The following ARHGAP26 variants were observed in gnomAD, a reference collection of about 807,000 sequenced individuals.
ARHGAP26 encodes rho GTPase-activating protein 26.
Under a neutral mutation model 104.8 loss-of-function variants are expected in ARHGAP26, and 38 were observed. That is an observed-to-expected ratio of 0.36 (90% CI 0.28 to 0.48). The LOEUF (loss-of-function observed/expected upper bound fraction) is 0.48, where lower values mean the gene tolerates loss of function less well. Ranked by LOEUF, ARHGAP26 falls within the 20% of genes least tolerant of loss-of-function variation. ARHGAP26 has a pLI of 0.99. For synonymous variants in ARHGAP26, 341 were observed against 340.0 expected (o/e 1.00, Z -0.03); for missense variants, 704 against 947.9 (o/e 0.74, Z 3.38).
At chr5:142,902,203 G>GTGGT (rs1463340506) in intron 7 of ARHGAP26, among the ~76,000 whole-genome samples, 164 bp downstream of exon 7, 1 of 152,158 alleles carries the variant, frequency 6.6e-6, no homozygotes, top group East Asian at 1.9e-4. Flanking sequence ...AGAGTGCTTG[G>GTGGT]TGGTTCTGAG....
intron 20 of ARHGAP26, 95 bp from the exon 21 acceptor site, chr5:143,207,103 C>T: frequency 1.3e-6 from 2 of 1,494,612 alleles, no homozygotes; most frequent in Admixed American, 1.9e-5. Context: ...CTCTGCTCTG[C>T]CCAGCTTTCC....
chr5:142,830,419 A>G (rs1406548736), intron 1 of ARHGAP26, among the ~76,000 whole-genome samples: 2 of 152,176 alleles, frequency 1.3e-5, no homozygotes, highest in Admixed American at 6.5e-5. Flanking sequence ...AGGAAGGGGA[A>G]GTGAAGGATT....
chr5:143,056,135 A>T, intron 16 of ARHGAP26, 49 bp downstream of exon 16: 1 of 1,507,202 alleles, frequency 6.6e-7, no homozygotes, highest in Non-Finnish European at 9.2e-7. Flanking sequence ...AGATTTTTCT[A>T]TTTCAAAGAA....
chr5:142,915,225 C>T (rs949527274), intron 10 of ARHGAP26, among the ~76,000 whole-genome samples: 2 of 151,978 alleles, frequency 1.3e-5, no homozygotes, highest in South Asian at 2.1e-4. Context: ...AAGCAAAGAG[C>T]GAATGTGTCA....
chr5:142,804,127 C>G (rs1279231250), intron 1 of ARHGAP26, among the ~76,000 whole-genome samples: 1 of 152,112 alleles, frequency 6.6e-6, no homozygotes, highest in Admixed American at 6.5e-5. Context: ...GTCTCTACTC[C>G]TTATCAAATA....
intron 19 of ARHGAP26, among the ~76,000 whole-genome samples, chr5:143,138,940 C>A (rs1405625298): frequency 1.3e-5 from 2 of 152,164 alleles, no homozygotes; most frequent in Non-Finnish European, 2.9e-5. Context: ...ACACTGTTAA[C>A]CAGTCGTTAT....
At chr5:142,872,594 C>T (rs539929227) in intron 1 of ARHGAP26, among the ~76,000 whole-genome samples, 6 of 152,274 alleles carry the variant, frequency 3.9e-5, no homozygotes, top group Non-Finnish European at 5.9e-5. Context: ...TTGAAGACTC[C>T]GGAAGGATCA....
chr5:143,147,257 T>G lies in ARHGAP26; in HGVS notation c.1864T>G (p.Ser622Ala). ...GGAACAAAGGAACAGCATCATCAAC[T>G]CCAGTTTGGAATCTGTCTCATCAAA... The part of the protein sequence containing the change: ...KQEQRNSIIN[S>A]SLESVSSNPN... The change falls in exon 20 of 23, where the codon TCC (serine) becomes GCC (alanine). Residue 622 changes from serine (S) to alanine (A), a missense_variant. This residue lies in a region of ARHGAP26 where 217 missense variants were observed against 242.6 expected (regional missense o/e 0.89). Coordinates refer to ENST00000645722, the MANE Select transcript of ARHGAP26 (RefSeq NM_001135608.3). 1 of 1,614,004 alleles carries G rather than the reference T, an allele frequency of 6.2e-7. No individual in the cohort carries two copies. The highest frequency in any genetic ancestry group is 8.5e-7 in the Non-Finnish European group (1 of 1,179,936).
intron 4 of ARHGAP26, among the ~76,000 whole-genome samples, chr5:142,881,684 A>G (rs1445349594): frequency 2.6e-5 from 4 of 152,154 alleles, no homozygotes; most frequent in Admixed American, 6.5e-5. Flanking sequence ...ATACATTTAT[A>G]TCATAACATT....
intron 17 of ARHGAP26, among the ~76,000 whole-genome samples, chr5:143,097,960 T>A (rs1792655062): frequency 6.6e-6 from 1 of 152,108 alleles, no homozygotes; most frequent in Non-Finnish European, 1.5e-5. Context: ...AGTCTGGAGG[T>A]TTTTTTAATG....
intron 19 of ARHGAP26, among the ~76,000 whole-genome samples, chr5:143,144,216 A>C (rs953038123): frequency 6.6e-6 from 1 of 152,182 alleles, no homozygotes; most frequent in Non-Finnish European, 1.5e-5. Flanking sequence ...GCTGGATTGA[A>C]TCATCAGTGA....
At chr5:143,028,808 T>C (rs1781441948) in intron 12 of ARHGAP26, among the ~76,000 whole-genome samples, 1 of 152,216 alleles carries the variant, frequency 6.6e-6, no homozygotes, top group Non-Finnish European at 1.5e-5. Flanking sequence ...TGTGTGACTT[T>C]AGTTAATATT....
chr5:143,106,078 C>G (rs1276546513), intron 17 of ARHGAP26, among the ~76,000 whole-genome samples: 1 of 152,068 alleles, frequency 6.6e-6, no homozygotes, highest in Non-Finnish European at 1.5e-5. Flanking sequence ...GTGACTTTTT[C>G]TTTTGTTGTT....
At chr5:142,826,796 A>G (rs1767385400) in intron 1 of ARHGAP26, among the ~76,000 whole-genome samples, 1 of 152,174 alleles carries the variant, frequency 6.6e-6, no homozygotes, top group Non-Finnish European at 1.5e-5. Context: ...CCCACCTGCT[A>G]CTATTTCAAA....
chr5:143,070,843 C>T (rs184420971), intron 17 of ARHGAP26, among the ~76,000 whole-genome samples: 67 of 152,066 alleles, frequency 4.4e-4, no homozygotes, highest in Admixed American at 1.8e-3. Flanking sequence ...ACTGGGGACG[C>T]GGAGGTTGCA....
At chr5:142,866,365 G>T (rs918805158) in intron 1 of ARHGAP26, among the ~76,000 whole-genome samples, 3 of 152,034 alleles carry the variant, frequency 2.0e-5, no homozygotes, top group African/African-American at 7.3e-5. Flanking sequence ...CATGATCTTG[G>T]GCACGTTATT....
At chr5:142,933,495 T>C (rs1438908163) in intron 11 of ARHGAP26, among the ~76,000 whole-genome samples, 1 of 152,144 alleles carries the variant, frequency 6.6e-6, no homozygotes, top group Non-Finnish European at 1.5e-5. Context: ...TACGGTGGCT[T>C]ATGTAAGATA....
At chr5:143,222,269 ACACACACACACACACCC>A in intron 22 of ARHGAP26, 72 bp from the exon 23 acceptor site, 1 of 721,780 alleles carries the variant, frequency 1.4e-6, no homozygotes, top group Non-Finnish European at 2.2e-6. Context: ...ACACACACAC[ACACACACACACACACCC>A]CACACACACA....
At chr5:142,963,172 G>GTATGTA (rs1770583298) in intron 11 of ARHGAP26, among the ~76,000 whole-genome samples, 1 of 89,080 alleles carries the variant, frequency 1.1e-5, no homozygotes, top group Non-Finnish European at 2.1e-5. Context: ...TGGTATATAT[G>GTATGTA]TATATATATA....
Sources: allele counts gnomAD v4.1 joint callset (sites outside exome capture counted in the v4.1 genomes callset), GRCh38; gene constraint gnomAD v4.1.1; regional missense constraint gnomAD v4.1.1; transcripts MANE v1.5; gene names NCBI Gene and HGNC (gene_info 2026-07-23, HGNC 2026-07-21).